RFX3: variants seen among roughly 807,000 people sequenced by gnomAD.
The protein encoded by RFX3 is transcription factor RFX3.
A neutral mutation model predicts 98.6 loss-of-function variants in RFX3; 14 were observed. That is an observed-to-expected ratio of 0.14 (90% CI 0.09 to 0.22). RFX3 has a LOEUF of 0.22. Among genes scored for constraint, RFX3 ranks in the 10% least tolerant of loss-of-function variants. RFX3 has a pLI of 1.00. For synonymous variants in RFX3, 383 were observed against 328.4 expected (o/e 1.17, Z -1.80); for missense variants, 639 against 926.9 (o/e 0.69, Z 4.03).
intron 11 of RFX3, among the ~76,000 whole-genome samples, chr9:3,267,085 A>C (rs1413766985): frequency 6.6e-6 from 1 of 151,992 alleles, no homozygotes; most frequent in Non-Finnish European, 1.5e-5. Context: ...GACTATGACT[A>C]TTTTATAAGA....
intron 12 of RFX3, 129 bp from the exon 13 acceptor site, chr9:3,263,213 G>T: frequency 1.0e-6 from 1 of 955,590 alleles, no homozygotes; most frequent in Non-Finnish European, 1.6e-6. Context: ...AATTCATTTG[G>T]TGAGAGAGTT....
At chr9:3,388,763 A>C (rs1045407844) in intron 2 of RFX3, among the ~76,000 whole-genome samples, 2 of 152,154 alleles carry the variant, frequency 1.3e-5, no homozygotes, top group African/African-American at 4.8e-5. Context: ...AAAAAATTTC[A>C]GCAAAATTGA....
chr9:3,502,126 G>C (rs1264916975), intron 1 of RFX3, among the ~76,000 whole-genome samples: 3 of 151,050 alleles, frequency 2.0e-5, no homozygotes, highest in Admixed American at 2.0e-4. Flanking sequence ...GGGCGTAGTG[G>C]CGGGCGCCTG....
chr9:3,246,302 AG>A (rs1464070188), intron 15 of RFX3, among the ~76,000 whole-genome samples: 8 of 151,898 alleles, frequency 5.3e-5, no homozygotes, highest in African/African-American at 1.9e-4. Flanking sequence ...AAAAAAAAAA[AG>A]AATAACTATT....
intron 3 of RFX3, among the ~76,000 whole-genome samples, chr9:3,339,425 C>A (rs1265422271): frequency 6.6e-6 from 1 of 152,076 alleles, no homozygotes; most frequent in Non-Finnish European, 1.5e-5. Context: ...CGTTAAGTCT[C>A]GAAAGTTTTT....
chr9:3,357,578 C>T (rs147563816), intron 2 of RFX3, among the ~76,000 whole-genome samples: 1 of 151,694 alleles, frequency 6.6e-6, no homozygotes, highest in South Asian at 2.1e-4. Flanking sequence ...CAAATTTCAC[C>T]GGAGGCTGGG....
chr9:3,414,068 C>T (rs1166507862), intron 1 of RFX3, among the ~76,000 whole-genome samples: 1 of 152,040 alleles, frequency 6.6e-6, no homozygotes, highest in Non-Finnish European at 1.5e-5. Flanking sequence ...TTCACAACAA[C>T]CTTGTGTGAA....
chr9:3,432,004 G>A (rs1307457191), intron 1 of RFX3, among the ~76,000 whole-genome samples: 1 of 152,094 alleles, frequency 6.6e-6, no homozygotes, highest in Non-Finnish European at 1.5e-5. Context: ...GATCAGGACT[G>A]GTCTTATCTA....
chr9:3,319,640 T>C (rs1488308022), intron 4 of RFX3, among the ~76,000 whole-genome samples: 2 of 152,152 alleles, frequency 1.3e-5, no homozygotes, highest in African/African-American at 2.4e-5. Context: ...ATTTGTGATT[T>C]AAAAAATAAT....
At chr9:3,459,960 T>C (rs1847539965) in intron 1 of RFX3, among the ~76,000 whole-genome samples, 1 of 152,058 alleles carries the variant, frequency 6.6e-6, no homozygotes, top group Non-Finnish European at 1.5e-5. Context: ...GTAATGTACG[T>C]ATTGCTTTTG....
intron 6 of RFX3, among the ~76,000 whole-genome samples, chr9:3,290,426 T>G (rs1324373532): frequency 6.6e-6 from 1 of 152,136 alleles, no homozygotes; most frequent in Non-Finnish European, 1.5e-5. Context: ...TGAAATTCCT[T>G]TCAGTAACAA....
At chr9:3,507,740 T>G (rs1659284619) in intron 1 of RFX3, among the ~76,000 whole-genome samples, 1 of 152,024 alleles carries the variant, frequency 6.6e-6, no homozygotes, top group South Asian at 2.1e-4. Flanking sequence ...TTATAATTCC[T>G]AATACAATGT....
chr9:3,467,262 ATG>A (rs1848382532), intron 1 of RFX3, among the ~76,000 whole-genome samples: 2 of 145,468 alleles, frequency 1.4e-5, no homozygotes, highest in South Asian at 4.2e-4. Context: ...ATACATATAT[ATG>A]TACATACATA....
intron 1 of RFX3, among the ~76,000 whole-genome samples, chr9:3,418,315 G>A (rs570136770): frequency 6.6e-6 from 1 of 152,158 alleles, no homozygotes; most frequent in Non-Finnish European, 1.5e-5. Context: ...CTGATGCATG[G>A]TAAGAGCTCA....
At chr9:3,350,499 C>G (rs552165170) in intron 2 of RFX3, among the ~76,000 whole-genome samples, 16 of 152,058 alleles carry the variant, frequency 1.1e-4, no homozygotes, top group Non-Finnish European at 2.1e-4. Context: ...TGGGAAGGCA[C>G]GTTGGTAGTT....
intron 7 of RFX3, among the ~76,000 whole-genome samples, chr9:3,285,258 T>A (rs1310398830): frequency 1.3e-5 from 2 of 151,842 alleles, no homozygotes; most frequent in Non-Finnish European, 2.9e-5. Context: ...ATATCTTCTA[T>A]TTTATACTTT....
chr9:3,480,399 C>A (rs952724114), intron 1 of RFX3, among the ~76,000 whole-genome samples: 4 of 152,192 alleles, frequency 2.6e-5, no homozygotes, highest in Non-Finnish European at 4.4e-5. Flanking sequence ...CATAAGTTGT[C>A]GGGCCTTTTT....
At chr9:3,281,625 G>A (rs1825925123) in intron 7 of RFX3, among the ~76,000 whole-genome samples, 1 of 151,674 alleles carries the variant, frequency 6.6e-6, no homozygotes, top group African/African-American at 2.4e-5. Context: ...CAACTCAATG[G>A]GTAATCAGTG....
At chr9:3,468,758 A>G (rs1848526053) in intron 1 of RFX3, among the ~76,000 whole-genome samples, 1 of 151,146 alleles carries the variant, frequency 6.6e-6, no homozygotes, top group South Asian at 2.1e-4. Context: ...TTAAGTCAAC[A>G]TTAGCCTTGG....
Sources: allele counts gnomAD v4.1 joint callset (sites outside exome capture counted in the v4.1 genomes callset), GRCh38; gene constraint gnomAD v4.1.1; transcripts MANE v1.5; gene names NCBI Gene and HGNC (gene_info 2026-07-23, HGNC 2026-07-21).